Variants in TBC1D22A observed in about 807,000 individuals in gnomAD.
TBC1D22A encodes the protein putative GTPase activator.
In TBC1D22A, 38 loss-of-function variants were observed where a neutral mutation model predicts 60.2. The observed-to-expected ratio is 0.63, with a 90% CI of 0.49 to 0.83. The LOEUF (loss-of-function observed/expected upper bound fraction) is 0.83, where lower values mean the gene tolerates loss of function less well. TBC1D22A is among the 40% of genes least tolerant of loss of function. The pLI is 0.00. For missense variants in TBC1D22A, 628 were observed against 701.0 expected, an observed-to-expected ratio of 0.90 and a Z score of 1.18; for synonymous variants, 302 against 281.7, an observed-to-expected ratio of 1.07 and a Z score of -0.72.
chr22:46,950,577 C>T (rs2072837252), intron 8 of TBC1D22A, among the ~76,000 whole-genome samples: 1 of 152,230 alleles, frequency 6.6e-6, no homozygotes, highest in African/African-American at 2.4e-5. Flanking sequence ...GAGGTCAGAG[C>T]CAGCTGTCAT....
intron 1 of TBC1D22A, among the ~76,000 whole-genome samples, chr22:46,767,318 C>T (rs982373031): frequency 2.6e-5 from 4 of 152,162 alleles, no homozygotes; most frequent in Non-Finnish European, 5.9e-5. Flanking sequence ...ATCTGTAGCA[C>T]AAAGCGGTTG....
chr22:46,776,182 G>A (rs1243857352), intron 1 of TBC1D22A, among the ~76,000 whole-genome samples: 1 of 152,258 alleles, frequency 6.6e-6, no homozygotes, highest in Admixed American at 6.5e-5. Flanking sequence ...GGTTACCTGG[G>A]GTGTGGGGCG....
At chr22:47,046,370 G>C (rs2148427663) in intron 11 of TBC1D22A, among the ~76,000 whole-genome samples, 1 of 152,298 alleles carries the variant, frequency 6.6e-6, no homozygotes, top group Non-Finnish European at 1.5e-5. Flanking sequence ...CCACGGGCCT[G>C]TGGGTCCCTG....
At chr22:46,881,604 C>T (rs532632778) in intron 5 of TBC1D22A, among the ~76,000 whole-genome samples, 2 of 152,266 alleles carry the variant, frequency 1.3e-5, no homozygotes, top group East Asian at 3.9e-4. Flanking sequence ...GTGTCTGGCT[C>T]GTAGGAGCAG....
intron 1 of TBC1D22A, among the ~76,000 whole-genome samples, chr22:46,784,248 T>C (rs956164758): frequency 6.6e-6 from 1 of 152,176 alleles, no homozygotes; most frequent in African/African-American, 2.4e-5. Flanking sequence ...CTCACTATGT[T>C]GCCCAGGCTA....
At chr22:47,119,720 C>T (rs932404032) in intron 12 of TBC1D22A, among the ~76,000 whole-genome samples, 1 of 152,200 alleles carries the variant, frequency 6.6e-6, no homozygotes, top group Admixed American at 6.5e-5. Flanking sequence ...TGGTCTCGAA[C>T]TCCTGACCTC....
intron 8 of TBC1D22A, among the ~76,000 whole-genome samples, chr22:46,951,792 C>G (rs1049997076): frequency 1.3e-5 from 2 of 152,152 alleles, no homozygotes; most frequent in African/African-American, 4.8e-5. Context: ...AAATGCGGAG[C>G]TTTGTTTTGT....
chr22:46,855,281 AT>A (rs1354427180), intron 4 of TBC1D22A, among the ~76,000 whole-genome samples: 11 of 152,196 alleles, frequency 7.2e-5, no homozygotes, highest in African/African-American at 2.4e-4. Context: ...GTGAATGGCA[AT>A]CCACTGAAAT....
At chr22:47,159,566 TACAC>T (rs140709409) in intron 12 of TBC1D22A, among the ~76,000 whole-genome samples, 23 of 149,190 alleles carry the variant, frequency 1.5e-4, no homozygotes, top group African/African-American at 4.0e-4. Context: ...ACACACACAC[TACAC>T]ACACACCACA....
intron 11 of TBC1D22A, among the ~76,000 whole-genome samples, chr22:47,082,529 G>A (rs976664609): frequency 2.0e-5 from 3 of 152,192 alleles, no homozygotes; most frequent in African/African-American, 7.2e-5. Context: ...AACTCCTATA[G>A]CTAACATTAC....
chr22:47,053,860 G>A (rs1451637925), intron 11 of TBC1D22A, among the ~76,000 whole-genome samples: 1 of 152,216 alleles, frequency 6.6e-6, no homozygotes, highest in Non-Finnish European at 1.5e-5. Flanking sequence ...AGGAGGTTCT[G>A]TGAGCCTCAC....
At chr22:47,106,704 AAAAG>A in intron 11 of TBC1D22A, among the ~76,000 whole-genome samples, 1 of 152,302 alleles carries the variant, frequency 6.6e-6, no homozygotes, top group South Asian at 2.1e-4. Context: ...TGAGGAAAAA[AAAAG>A]GGTAAAGTCA....
chr22:46,925,483 C>T (rs1003403092), intron 8 of TBC1D22A, among the ~76,000 whole-genome samples: 4 of 152,168 alleles, frequency 2.6e-5, no homozygotes, highest in African/African-American at 4.8e-5. Context: ...AAAAACATTT[C>T]GGAAATAATT....
chr22:47,073,352 T>C (rs1414625152), intron 11 of TBC1D22A, among the ~76,000 whole-genome samples: 1 of 152,176 alleles, frequency 6.6e-6, no homozygotes, highest in East Asian at 1.9e-4. Flanking sequence ...ATAGTAACAC[T>C]CTGCCTTTCT....
At chr22:46,802,974 G>A (rs2084960628) in intron 4 of TBC1D22A, among the ~76,000 whole-genome samples, 3 of 152,066 alleles carry the variant, frequency 2.0e-5, no homozygotes, top group African/African-American at 7.2e-5. Flanking sequence ...GGGAACAGCC[G>A]ATAGACACAG....
chr22:46,784,351 A>C (rs557650058), intron 1 of TBC1D22A, among the ~76,000 whole-genome samples: 2 of 152,198 alleles, frequency 1.3e-5, no homozygotes, highest in Admixed American at 6.5e-5. Flanking sequence ...GTGAGCCACC[A>C]TACCTGGCTG....
intron 12 of TBC1D22A, among the ~76,000 whole-genome samples, chr22:47,151,870 G>A (rs564903125): frequency 1.6e-4 from 25 of 152,352 alleles, no homozygotes; most frequent in African/African-American, 5.8e-4. Flanking sequence ...GGACGTGGCA[G>A]TGCAGCCCAG....
chr22:46,876,980 A>G (rs1180206131), intron 4 of TBC1D22A, among the ~76,000 whole-genome samples: 1 of 152,216 alleles, frequency 6.6e-6, no homozygotes, highest in Non-Finnish European at 1.5e-5. Flanking sequence ...CTTTACCTGT[A>G]TTATTCTTTG....
chr22:46,923,848 A>G (rs9626923), intron 8 of TBC1D22A, among the ~76,000 whole-genome samples: 2 of 152,206 alleles, frequency 1.3e-5, no homozygotes, highest in Non-Finnish European at 2.9e-5. Flanking sequence ...AATCATTTCT[A>G]CCTTCTGTAC....
Sources: allele counts gnomAD v4.1 joint callset (sites outside exome capture counted in the v4.1 genomes callset), GRCh38; gene constraint gnomAD v4.1.1; transcripts MANE v1.5; gene names NCBI Gene and HGNC (gene_info 2026-07-23, HGNC 2026-07-21).